Variants in ANO2 observed in about 807,000 individuals in gnomAD.
ANO2 encodes the protein anoctamin 2.
A neutral mutation model predicts 124.2 loss-of-function variants in ANO2; 101 were observed. The ratio of observed to expected loss-of-function variants is 0.81; its 90% confidence interval spans 0.69 to 0.96. The LOEUF (loss-of-function observed/expected upper bound fraction) is 0.96. ANO2 is among the 40% of genes least tolerant of loss of function. ANO2 has a pLI of 0.00. For missense variants in ANO2, 1,293 were observed against 1,274.5 expected, an observed-to-expected ratio of 1.01 and a Z score of -0.22; for synonymous variants, 486 against 482.5, an observed-to-expected ratio of 1.01 and a Z score of -0.09.
chr12:5,628,696 G>A (rs1025128713), intron 16 of ANO2, among the ~76,000 whole-genome samples: 30 of 151,736 alleles, frequency 2.0e-4, no homozygotes, highest in Non-Finnish European at 3.4e-4. Flanking sequence ...GTGCGCGCGC[G>A]CACGCGTGCG....
chr12:5,838,373 A>G (rs1954396151), intron 4 of ANO2, among the ~76,000 whole-genome samples: 1 of 152,120 alleles, frequency 6.6e-6, no homozygotes, highest in Non-Finnish European at 1.5e-5. Flanking sequence ...CCTGAACAAG[A>G]CCCTACACAA....
intron 20 of ANO2, among the ~76,000 whole-genome samples, chr12:5,588,700 A>G (rs566888231): frequency 5.4e-4 from 83 of 152,314 alleles, no homozygotes; most frequent in Admixed American, 7.8e-4. Context: ...GAAATCTAAG[A>G]AAGTGAGGGT....
At chr12:5,569,845 C>T (rs1049053475) in intron 23 of ANO2, among the ~76,000 whole-genome samples, 1 of 152,146 alleles carries the variant, frequency 6.6e-6, no homozygotes, top group East Asian at 1.9e-4. Context: ...ACAACAGTTT[C>T]TTCTGGGATA....
chr12:5,806,553 T>C lies in ANO2; in HGVS notation c.949-460A>G, dbSNP rs1479593370. Among the ~76,000 whole-genome samples the C allele has an allele frequency of 2.0e-5, 3 of 152,228 alleles. No individual in the cohort carries two copies. The East Asian group carries it at 5.8e-4, about 29-fold the overall frequency. ...GGAGCCCCACCTCAGCAGTCTCAAATGGCACTACCGCATGGCACGTGCCCA... is the reference window on the plus strand; with the variant it reads ...GGAGCCCCACCTCAGCAGTCTCAAACGGCACTACCGCATGGCACGTGCCCA... On this transcript the variant is annotated intron_variant, in intron 8 of 24. Coordinates refer to ENST00000682330, the MANE Select transcript of ANO2 (RefSeq NM_001364791.2).
At chr12:5,768,328 G>A (rs1951960815) in intron 10 of ANO2, among the ~76,000 whole-genome samples, 1 of 152,116 alleles carries the variant, frequency 6.6e-6, no homozygotes. Flanking sequence ...CTTCCTGGCT[G>A]GTGGGAATTT....
chr12:5,563,190 C>G lies in ANO2; in HGVS notation c.*109G>C. On this transcript the variant is annotated 3_prime_UTR_variant, in exon 25 of 25. Transcript: ENST00000682330. ...CACTGCCCCCTCTTCAAGACCCCAT[C>G]AAGCCAGGCCCCTGCAGACAGACAG... 1.4e-6 allele frequency: 2 copies of G among 1,419,506 alleles called. No individual in the cohort carries two copies. The highest frequency in any genetic ancestry group is 1.9e-6 in the Non-Finnish European group (2 of 1,069,872). 87.9% of individuals were successfully genotyped at this position (1,419,506 alleles called of 1,614,324 possible). A position where few individuals can be genotyped will look rare whatever the true frequency, so the allele number is the denominator to read the frequency against.
chr12:5,606,863 T>TAG (rs1944246767), intron 19 of ANO2, among the ~76,000 whole-genome samples: 1 of 152,178 alleles, frequency 6.6e-6, no homozygotes, highest in Non-Finnish European at 1.5e-5. Context: ...GCTGACTACC[T>TAG]GGCCTACTAA....
chr12:5,761,455 C>A (rs984818664), intron 10 of ANO2, among the ~76,000 whole-genome samples: 1 of 152,130 alleles, frequency 6.6e-6, no homozygotes, highest in Non-Finnish European at 1.5e-5. Context: ...GCCATCTAAG[C>A]AGGTAACCTT....
chr12:5,707,114 A>T (rs1487504769), intron 14 of ANO2, among the ~76,000 whole-genome samples: 1 of 152,222 alleles, frequency 6.6e-6, no homozygotes, highest in African/African-American at 2.4e-5. Context: ...AGGTGACTGA[A>T]TCATGGGGAC....
In ANO2 at chr12:5,925,541, G is replaced by C. The variant is rs1942043782; in HGVS notation, c.23-2737C>G. On this transcript the variant is annotated intron_variant, in intron 1 of 24. Coordinates refer to ENST00000682330, the MANE Select transcript of ANO2 (RefSeq NM_001364791.2). This position sits in a 1 kb window ranked among gnomAD's most constrained non-coding sequence, Gnocchi z 4.6. ...CCTTCAGACGTGAGAGGAAGGCCAA[G>C]GGGAACGCGAGTGACGCCTGCCCTC... is the stretch of plus-strand genomic sequence containing the variant. 1.3e-5 allele frequency among the ~76,000 whole-genome samples: 2 copies of C among 152,212 alleles called. No individual in the cohort carries two copies. Among genetic ancestry groups the C allele is most frequent in the Admixed American group, 6.5e-5 (1 of 15,286 alleles).
At chr12:5,565,801 T>C in intron 23 of ANO2, 138 bp from the exon 24 acceptor site, 1 of 660,696 alleles carries the variant, frequency 1.5e-6, no homozygotes, top group Non-Finnish European at 2.5e-6. Context: ...CAGGGGGAAG[T>C]GGGGGGAATC....
intron 10 of ANO2, among the ~76,000 whole-genome samples, chr12:5,771,624 A>G (rs1406834903): frequency 6.6e-6 from 1 of 152,100 alleles, no homozygotes; most frequent in East Asian, 1.9e-4. Flanking sequence ...TACTAAAAAT[A>G]CAAAAATTAG....
At chr12:5,864,925 C>T (rs1447903307) in intron 3 of ANO2, among the ~76,000 whole-genome samples, 2 of 152,168 alleles carry the variant, frequency 1.3e-5, no homozygotes, top group Non-Finnish European at 2.9e-5. Context: ...CAGAGAGAAG[C>T]ATTCCCAGGC....
At chr12:5,886,444 C>T (rs1938912939) in intron 3 of ANO2, among the ~76,000 whole-genome samples, 1 of 152,132 alleles carries the variant, frequency 6.6e-6, no homozygotes, top group Non-Finnish European at 1.5e-5. Flanking sequence ...GTTGAATGGG[C>T]ATAAAGTTTA....
intron 14 of ANO2, among the ~76,000 whole-genome samples, chr12:5,705,725 T>G: frequency 6.6e-6 from 1 of 152,258 alleles, no homozygotes; most frequent in East Asian, 1.9e-4. Context: ...ATATCATAAC[T>G]GTTGGTTTTG....
At chr12:5,700,296 C>T (rs1346002643) in intron 14 of ANO2, among the ~76,000 whole-genome samples, 13 of 152,222 alleles carry the variant, frequency 8.5e-5, no homozygotes, top group African/African-American at 1.2e-4. Flanking sequence ...TCACTCAAAA[C>T]TGCTCAACTA....
intron 16 of ANO2, among the ~76,000 whole-genome samples, chr12:5,630,918 T>G (rs1945687605): frequency 6.6e-6 from 1 of 152,194 alleles, no homozygotes; most frequent in Non-Finnish European, 1.5e-5. Context: ...ATGGGATGAA[T>G]GATGACACTT....
At chr12:5,588,458 G>A (rs1272181942) in intron 20 of ANO2, among the ~76,000 whole-genome samples, 1 of 152,180 alleles carries the variant, frequency 6.6e-6, no homozygotes, top group African/African-American at 2.4e-5. Context: ...AATTCCACTA[G>A]TGAGTCATCT....
At chr12:5,755,289 T>A (rs2137098491) in intron 10 of ANO2, among the ~76,000 whole-genome samples, 1 of 151,858 alleles carries the variant, frequency 6.6e-6, no homozygotes, top group Non-Finnish European at 1.5e-5. Flanking sequence ...GTTCCCTTGT[T>A]TGTGATAAGT....
Sources: allele counts gnomAD v4.1 joint callset (sites outside exome capture counted in the v4.1 genomes callset), GRCh38; gene constraint gnomAD v4.1.1; non-coding constraint Gnocchi (gnomAD v3.1); transcripts MANE v1.5; gene names NCBI Gene and HGNC (gene_info 2026-07-23, HGNC 2026-07-21).